Variants in PUM2 observed in about 807,000 individuals in gnomAD.
PUM2 encodes the protein pumilio RNA binding family member 2, also known as pumilio homolog 2.
PUM2 carries 57 observed loss-of-function variants against 124.5 expected under a neutral mutation model. That is an observed-to-expected ratio of 0.46 (90% CI 0.37 to 0.57). The LOEUF is 0.57. Among genes scored for constraint, PUM2 ranks in the 20% least tolerant of loss-of-function variants. The pLI is 0.00. For missense variants in PUM2, 1,065 were observed against 1,290.6 expected, an observed-to-expected ratio of 0.83 and a Z score of 2.68; for synonymous variants, 460 against 446.1, an observed-to-expected ratio of 1.03 and a Z score of -0.39.
At chr2:20,271,646 A>C (rs1337644983) in intron 13 of PUM2, among the ~76,000 whole-genome samples, 1 of 152,210 alleles carries the variant, frequency 6.6e-6, no homozygotes, top group Non-Finnish European at 1.5e-5. Flanking sequence ...TGAAATATTT[A>C]AAAGACCCTT....
intron 16 of PUM2, among the ~76,000 whole-genome samples, chr2:20,257,039 G>A (rs1396659025): frequency 4.2e-5 from 3 of 71,312 alleles, no homozygotes; most frequent in Admixed American, 5.0e-4. Context: ...GCAAGATTCC[G>A]TCTCAAAAAA....
intron 14 of PUM2, among the ~76,000 whole-genome samples, chr2:20,262,626 T>G (rs1666573318): frequency 6.6e-6 from 1 of 152,240 alleles, no homozygotes; most frequent in African/African-American, 2.4e-5. Context: ...AACTTGAGGT[T>G]TACCTTAAAG....
At chr2:20,303,754 C>T (rs914568066) in intron 7 of PUM2, among the ~76,000 whole-genome samples, 12 of 152,266 alleles carry the variant, frequency 7.9e-5, no homozygotes, top group Non-Finnish European at 1.8e-4. Flanking sequence ...ATTCATTTAG[C>T]GGTAGGTGAT....
intron 1 of PUM2, among the ~76,000 whole-genome samples, chr2:20,340,353 C>A (rs1194633709): frequency 6.6e-6 from 1 of 152,180 alleles, no homozygotes; most frequent in Admixed American, 6.5e-5. Flanking sequence ...GGGTAAAATA[C>A]ACAACAGTAA....
intron 1 of PUM2, among the ~76,000 whole-genome samples, chr2:20,344,982 C>CAAAAAAAAAAAAA (rs762460030): frequency 1.5e-5 from 1 of 66,262 alleles, no homozygotes; most frequent in Non-Finnish European, 2.8e-5. Flanking sequence ...GACTCTGTCT[C>CAAAAAAAAAAAAA]AAAAAAAAAA....
Position 20,251,519 on chromosome 2 carries a change from A to G in PUM2, c.*66T>C, listed in dbSNP as rs569978420. 8.0e-6 allele frequency: 12 copies of G among 1,503,002 alleles called. No individual in the cohort carries two copies. In the Admixed American group the frequency reaches 1.6e-4, roughly 20 times the overall value. 93.1% of individuals were successfully genotyped at this position (1,503,002 alleles called of 1,614,324 possible). A position where few individuals can be genotyped will look rare whatever the true frequency, so the allele number is the denominator to read the frequency against. ...AGATTCATAGTTGAGTTGTGTTTTG[A>G]TAATTCACACACAAAAAAATTCTTT... On this transcript the variant is annotated 3_prime_UTR_variant, in exon 21 of 21. Transcript: ENST00000361078.
intron 20 of PUM2, 76 bp from the exon 21 acceptor site, chr2:20,251,792 TGGGTAATTTAGA>T: frequency 6.6e-7 from 1 of 1,525,046 alleles, no homozygotes; most frequent in South Asian, 1.2e-5. Context: ...CCCCCAATTC[TGGGTAATTTAGA>T]GGAATAACTG....
Position 20,258,346 on chromosome 2 carries a change from G to T in PUM2, c.2381C>A (p.Ala794Asp), listed in dbSNP as rs772554623. 1 of 1,612,290 alleles carries T rather than the reference G, an allele frequency of 6.2e-7. No individual in the cohort carries two copies. Among genetic ancestry groups the T allele is most frequent in the South Asian group, 1.1e-5 (1 of 90,884 alleles). ...ATGACCACGAATACGAGTAGCCAGG[G>T]CTAATTTTTGATCCAGACTCCCAAA... The part of the protein sequence containing the change: ...FEFGSLDQKL[A>D]LATRIRGHVL... The change falls in exon 16 of 21, where the codon GCC becomes GAC. Residue 794 changes from alanine to aspartate, a missense_variant. Transcript: ENST00000361078.
At position 20,312,341 on chromosome 2, in the gene PUM2, C is replaced by T. The variant is rs1679794808; in HGVS notation, c.243G>A (p.Leu81=). The T allele has an allele frequency of 1.2e-6, 2 of 1,613,564 alleles. No individual in the cohort carries two copies. Among genetic ancestry groups the T allele is most frequent in the East Asian group, 4.5e-5 (2 of 44,840 alleles). ...FHGNSEVNAI[L]SPRSESGGLG... is the part of the protein sequence containing the mutation. ...GGCCTCCACTTTCTGATCGCGGAGA[C>T]AGTATTGCATTTACTTCACTGTTTC... Residue 81 remains leucine (L), a synonymous_variant, in exon 4 of 21, where the codon CTG becomes CTA. Transcript: ENST00000361078.
intron 1 of PUM2, among the ~76,000 whole-genome samples, chr2:20,338,540 G>T (rs1329262227): frequency 6.6e-6 from 1 of 152,030 alleles, no homozygotes; most frequent in East Asian, 1.9e-4. Context: ...AATTCCCACA[G>T]AATTTAATTG....
In PUM2 at chr2:20,267,064, C is replaced by T. The variant is rs559395388; in HGVS notation, c.1958-3604G>A. ...TTTGAGACAGGTCTCACTCTGTCAC[C>T]CAGGCTGGAGTGCAGTGATGCAATC... is the stretch of plus-strand genomic sequence containing the variant. On this transcript the variant is annotated intron_variant, in intron 13 of 20. Coordinates refer to ENST00000361078, the MANE Select transcript of PUM2 (RefSeq NM_015317.5). 3.3e-5 allele frequency among the ~76,000 whole-genome samples: 5 copies of T among 150,954 alleles called. No homozygotes were observed. In the South Asian group the frequency reaches 1.0e-3, roughly 32 times the overall value.
At chr2:20,328,563 T>G (rs1684205404) in intron 1 of PUM2, among the ~76,000 whole-genome samples, 1 of 152,146 alleles carries the variant, frequency 6.6e-6, no homozygotes, top group African/African-American at 2.4e-5. Context: ...CTACCATAGC[T>G]GTGTTCAAAG....
In PUM2 at chr2:20,316,053, C is replaced by G. The variant is rs560998487; in HGVS notation, c.160+2484G>C. 4.6e-5 allele frequency among the ~76,000 whole-genome samples: 7 copies of G among 152,036 alleles called. No individual in the cohort carries two copies. The South Asian group carries it at 1.0e-3, about 23-fold the overall frequency. On this transcript the variant is annotated intron_variant, in intron 3 of 20. Transcript: ENST00000361078. ...TAAATATTTAAAATTATGAGTCTAA[C>G]CTAATATAGGTTAATTCTAATTCAG...
At chr2:20,255,931 C>T in intron 17 of PUM2, 102 bp downstream of exon 17, 2 of 1,184,588 alleles carry the variant, frequency 1.7e-6, no homozygotes, top group Non-Finnish European at 2.3e-6. Context: ...TTTTTGTATA[C>T]AATTGCTGGG....
At chr2:20,334,583 A>T (rs917840397) in intron 1 of PUM2, among the ~76,000 whole-genome samples, 1 of 152,214 alleles carries the variant, frequency 6.6e-6, no homozygotes, top group Non-Finnish European at 1.5e-5. Flanking sequence ...GAAAAAAACC[A>T]TATTTTATGA....
At chr2:20,274,555 G>A (rs979092491) in intron 13 of PUM2, among the ~76,000 whole-genome samples, 4 of 151,948 alleles carry the variant, frequency 2.6e-5, no homozygotes, top group African/African-American at 4.8e-5. Context: ...GCAAACTAAA[G>A]CACAGCTGTT....
chr2:20,350,423 C>T, intron 1 of PUM2, 174 bp downstream of exon 1: 2 of 938,552 alleles, frequency 2.1e-6, no homozygotes, highest in Non-Finnish European at 1.3e-6. Context: ...TTCCGGCACC[C>T]CTCCCCCTGC....
intron 12 of PUM2, 118 bp downstream of exon 12, chr2:20,282,828 TC>T: frequency 1.7e-6 from 2 of 1,146,930 alleles, no homozygotes; most frequent in Non-Finnish European, 2.4e-6. Flanking sequence ...AAACCAGTAG[TC>T]CAATACTTTA....
chr2:20,339,091 A>G (rs1686701654), intron 1 of PUM2, among the ~76,000 whole-genome samples: 1 of 152,216 alleles, frequency 6.6e-6, no homozygotes, highest in Non-Finnish European at 1.5e-5. Context: ...TGCCACATCT[A>G]AGCACTAAAA....
Sources: allele counts gnomAD v4.1 joint callset (sites outside exome capture counted in the v4.1 genomes callset), GRCh38; gene constraint gnomAD v4.1.1; transcripts MANE v1.5; gene names NCBI Gene and HGNC (gene_info 2026-07-23, HGNC 2026-07-21).